The following MYH10 variants were observed in gnomAD, a reference collection of about 807,000 sequenced individuals.
The protein encoded by MYH10 is myosin-10.
MYH10 carries 55 observed loss-of-function variants against 257.8 expected under a neutral mutation model. The ratio of observed to expected loss-of-function variants is 0.21; its 90% CI spans 0.17 to 0.27. The LOEUF is 0.27. Among genes scored for constraint, MYH10 ranks in the 10% least tolerant of loss-of-function variants. MYH10 has a pLI of 1.00. For synonymous variants in MYH10, 854 were observed against 921.7 expected (o/e 0.93, Z 1.33); for missense variants, 1,631 against 2,500.6 (o/e 0.65, Z 7.42).
chr17:8,480,726 C>G (rs1001238719), intron 38 of MYH10: 1 of 659,888 alleles, frequency 1.5e-6, no homozygotes, highest in African/African-American at 1.8e-5. Flanking sequence ...TGCCACCACC[C>G]AGATGCAGGC....
rs570105871 is a variant in MYH10 at position 8,476,082 on chromosome 17, C to T, written c.5880-134G>A. On this transcript the variant is annotated intron_variant, in intron 42 of 42. Coordinates refer to ENST00000360416, the MANE Select transcript of MYH10 (RefSeq NM_001256012.3). ...CGGACACACGACCTTGTGGGGGTGG[C>T]GGTACGATGGGGAAGGACTGCGTGC... The T allele has an allele frequency of 1.5e-4, 152 of 1,043,998 alleles. No individual in the cohort carries two copies. In the Admixed American group the frequency reaches 2.7e-3, roughly 19 times the overall value. The allele number at this position is 1,043,998 out of a possible 1,614,324, so 64.7% of individuals were successfully genotyped here. A position where few individuals can be genotyped will look rare whatever the true frequency, so the allele number is the denominator to read the frequency against.
intron 7 of MYH10, among the ~76,000 whole-genome samples, chr17:8,555,207 G>GAC (rs2082754976): frequency 2.0e-5 from 3 of 152,224 alleles, no homozygotes; most frequent in Non-Finnish European, 2.9e-5. Context: ...TGCTAAGAAG[G>GAC]ACTGACACTA....
rs1004479436 is a variant in MYH10 at position 8,552,355 on chromosome 17, A to T, written c.821-211T>A. Reference sequence around the variant, plus strand: ...TTACGTTCCTCACTGATCTTCCAGAATCATTGGTCTGGGAAGGAACTTAAA... The same window carrying T: ...TTACGTTCCTCACTGATCTTCCAGATTCATTGGTCTGGGAAGGAACTTAAA... On this transcript the variant is annotated intron_variant, in intron 8 of 42. Coordinates refer to ENST00000360416, the MANE Select transcript of MYH10 (RefSeq NM_001256012.3). The surrounding 1 kb of genome is among the most constrained non-coding windows in gnomAD (Gnocchi z 4.8). Among the ~76,000 whole-genome samples the T allele has an allele frequency of 1.3e-5, 2 of 152,180 alleles. No individual in the cohort carries two copies. Among genetic ancestry groups the T allele is most frequent in the African/African-American group, 4.8e-5 (2 of 41,448 alleles).
intron 2 of MYH10, among the ~76,000 whole-genome samples, chr17:8,618,890 AT>A (rs1196181548): frequency 6.6e-6 from 1 of 152,194 alleles, no homozygotes; most frequent in Non-Finnish European, 1.5e-5. Context: ...AAAAACTCAA[AT>A]TTTACCATTG....
chr17:8,551,879 A>ACC (rs1658299834), intron 9 of MYH10, among the ~76,000 whole-genome samples, 167 bp downstream of exon 9: 1 of 152,118 alleles, frequency 6.6e-6, no homozygotes, highest in Admixed American at 6.5e-5. Context: ...TAAAGTACTT[A>ACC]CCCCATGGCA....
chr17:8,594,607 T>C (rs1318727541), intron 3 of MYH10, among the ~76,000 whole-genome samples: 2 of 152,198 alleles, frequency 1.3e-5, no homozygotes, highest in African/African-American at 4.8e-5. Context: ...TGAAAACTTA[T>C]GCTCACACAA....
intron 4 of MYH10, among the ~76,000 whole-genome samples, chr17:8,582,919 G>A (rs536994999): frequency 3.9e-5 from 6 of 152,302 alleles, no homozygotes; most frequent in African/African-American, 1.4e-4. Flanking sequence ...TCTGCTTGAA[G>A]TTCTTGTTTT....
intron 3 of MYH10, among the ~76,000 whole-genome samples, chr17:8,601,463 C>T (rs151211081): frequency 3.9e-5 from 6 of 152,342 alleles, no homozygotes; most frequent in African/African-American, 1.4e-4. Flanking sequence ...CCACCCAGCA[C>T]TTTTATCTGA....
intron 29 of MYH10, 50 bp downstream of exon 29, chr17:8,500,776 C>G: frequency 6.3e-7 from 1 of 1,591,328 alleles, no homozygotes; most frequent in Non-Finnish European, 8.5e-7. Context: ...GGGAGTGGCT[C>G]TGACGACAGA....
At chr17:8,548,496 G>A in intron 10 of MYH10, 88 bp from the exon 11 acceptor site, 1 of 1,380,434 alleles carries the variant, frequency 7.2e-7, no homozygotes, top group Non-Finnish European at 9.9e-7. Context: ...CTAAAAATTA[G>A]CTATACAAAA....
intron 3 of MYH10, among the ~76,000 whole-genome samples, chr17:8,598,339 C>G (rs1351216689): frequency 1.3e-5 from 2 of 152,170 alleles, no homozygotes; most frequent in Non-Finnish European, 1.5e-5. Flanking sequence ...GTTCTGTCTT[C>G]TTGATCACAC....
chr17:8,623,554 CT>C (rs1043883350), intron 1 of MYH10: 26 of 176,208 alleles, frequency 1.5e-4, no homozygotes, highest in African/African-American at 5.0e-4. Flanking sequence ...CAAGTTGACC[CT>C]TTTTTTTCTT....
In MYH10 at chr17:8,480,385, G is replaced by A. The variant is rs1267804150; in HGVS notation, c.5388+17C>T. ...TGGCACAGCCCTCCCTGGGTGACGGGCTCCTGCATGGGCCACCTGTAGAGT... is the reference window on the plus strand; with the variant it reads ...TGGCACAGCCCTCCCTGGGTGACGGACTCCTGCATGGGCCACCTGTAGAGT... On this transcript the variant is annotated intron_variant, in intron 39 of 42. Coordinates refer to ENST00000360416, the MANE Select transcript of MYH10 (RefSeq NM_001256012.3). The A allele has an allele frequency of 1.9e-6, 3 of 1,613,108 alleles. No individual in the cohort carries two copies. The highest frequency in any genetic ancestry group is 2.5e-6 in the Non-Finnish European group (3 of 1,179,630).
chr17:8,569,648 AT>A lies in MYH10; in HGVS notation c.756+71del. ...TAAAATCTAGGAAGAAAAGTAATTCATTTGCTTAATCACAGTAAACATTTAA... is the reference window on the plus strand; with the variant it reads ...TAAAATCTAGGAAGAAAAGTAATTCATTGCTTAATCACAGTAAACATTTAA... On this transcript the variant is annotated intron_variant, in intron 7 of 42. Transcript: ENST00000360416. The surrounding 1 kb of genome is among the most constrained non-coding windows in gnomAD (Gnocchi z 4.1). The A allele has an allele frequency of 1.9e-6, 2 of 1,046,334 alleles. No individual in the cohort carries two copies. Among genetic ancestry groups the A allele is most frequent in the South Asian group, 1.8e-5 (1 of 56,038 alleles). The allele number at this position is 1,046,334 out of a possible 1,614,324, so 64.8% of individuals were successfully genotyped here. A position where few individuals can be genotyped will look rare whatever the true frequency, so the allele number is the denominator to read the frequency against.
chr17:8,615,153 G>A (rs2085206788), intron 2 of MYH10, among the ~76,000 whole-genome samples: 1 of 151,810 alleles, frequency 6.6e-6, no homozygotes, highest in Admixed American at 6.6e-5. Context: ...AAATTAGCCG[G>A]GTGTGGTCCC....
At chr17:8,514,684 C>T (rs1416670367) in intron 21 of MYH10, among the ~76,000 whole-genome samples, 2 of 151,956 alleles carry the variant, frequency 1.3e-5, no homozygotes, top group Non-Finnish European at 2.9e-5. Context: ...CTTGCGGTTC[C>T]TTCGACAGAC....
In MYH10 at chr17:8,475,923, A is replaced by C; in HGVS notation, c.5905T>G (p.Ser1969Ala). ...AGCTGGCGCCGGCCAGATCGGCTGG[A>C]AGAGAAGCTGATGGGGCCACCCCGC... The part of the protein sequence containing the change: ...LRRGGPISFS[S>A]SRSGRRQLHL... Residue 1969 changes from serine (S) to alanine (A), a missense_variant, in exon 43 of 43, where the codon TCC becomes GCC. Ser to Ala is a moderately conservative substitution (Grantham distance 99, BLOSUM62 1). Around this residue, in one of 11 missense-constraint regions of MYH10, gnomAD observed 343 missense variants for 389.5 expected, o/e 0.88. Coordinates refer to ENST00000360416, the MANE Select transcript of MYH10 (RefSeq NM_001256012.3). 1 of 1,613,654 alleles carries C rather than the reference A, an allele frequency of 6.2e-7. No homozygotes were observed. Among genetic ancestry groups the C allele is most frequent in the Non-Finnish European group, 8.5e-7 (1 of 1,179,966 alleles).
intron 24 of MYH10, 81 bp from the exon 25 acceptor site, chr17:8,510,030 T>C: frequency 7.4e-7 from 1 of 1,348,114 alleles, no homozygotes; most frequent in Non-Finnish European, 9.7e-7. Context: ...TGCATTACAA[T>C]GAGATACTAA....
At position 8,489,658 on chromosome 17, in the gene MYH10, C is replaced by T. The variant is rs1273622622; in HGVS notation, c.4884+682G>A. ...GGCAGAGGTTGCAGTGAGCCAAGAT[C>T]GTGCCACTGCACTCCAGCCTGGGTG... is the stretch of plus-strand genomic sequence containing the variant. On this transcript the variant is annotated intron_variant, in intron 35 of 42. Coordinates refer to ENST00000360416, the MANE Select transcript of MYH10 (RefSeq NM_001256012.3). Among the ~76,000 whole-genome samples, 12 of 147,248 alleles carry T rather than the reference C, an allele frequency of 8.1e-5. No homozygotes were observed. In the East Asian group the frequency reaches 1.0e-3, roughly 12 times the overall value.
Sources: allele counts gnomAD v4.1 joint callset (sites outside exome capture counted in the v4.1 genomes callset), GRCh38; gene constraint gnomAD v4.1.1; regional missense constraint gnomAD v4.1.1; non-coding constraint Gnocchi (gnomAD v3.1); transcripts MANE v1.5; gene names NCBI Gene and HGNC (gene_info 2026-07-23, HGNC 2026-07-21).